The following JARID2 variants were observed in gnomAD, a reference collection of about 807,000 sequenced individuals.
JARID2 encodes the protein jumonji and AT-rich interaction domain containing 2, also known as protein Jumonji.
Under a neutral mutation model 125.6 loss-of-function variants are expected in JARID2, and 21 were observed. The observed-to-expected ratio is 0.17, with a 90% CI of 0.12 to 0.24. The LOEUF (loss-of-function observed/expected upper bound fraction) is 0.24, where lower values mean the gene tolerates loss of function less well. Among genes scored for constraint, JARID2 ranks in the 10% least tolerant of loss-of-function variants. The pLI is 1.00. For missense variants in JARID2, 1,303 were observed against 1,639.6 expected (o/e 0.79, Z 3.55); for synonymous variants, 736 against 661.6 (o/e 1.11, Z -1.73).
intron 7 of JARID2, 49 bp from the exon 8 acceptor site, chr6:15,500,858 C>T (rs778361912): frequency 2.5e-5 from 38 of 1,502,410 alleles, no homozygotes; most frequent in African/African-American, 9.7e-5. Context: ...ACATCTTGTT[C>T]GTGTCTCTTT....
chr6:15,386,066 A>C (rs1022777185), intron 2 of JARID2, among the ~76,000 whole-genome samples: 2 of 152,152 alleles, frequency 1.3e-5, no homozygotes, highest in Non-Finnish European at 2.9e-5. Context: ...TAAAAAAATT[A>C]TGTCTCTTAA....
intron 3 of JARID2, among the ~76,000 whole-genome samples, chr6:15,428,912 A>G (rs1417199618): frequency 6.9e-6 from 1 of 145,834 alleles, no homozygotes; most frequent in African/African-American, 2.6e-5. Flanking sequence ...TCTCAAAAAA[A>G]CAACAAAAAA....
intron 6 of JARID2, among the ~76,000 whole-genome samples, chr6:15,490,993 A>G (rs1770124834): frequency 6.6e-6 from 1 of 152,210 alleles, no homozygotes; most frequent in Non-Finnish European, 1.5e-5. Flanking sequence ...CCATTGAGCT[A>G]TAGGCTACTG....
rs2127527942 is a variant in JARID2 at position 15,381,415 on chromosome 6, C to T, written c.181+7163C>T. Among the ~76,000 whole-genome samples, 4 of 151,566 alleles carry T rather than the reference C, an allele frequency of 2.6e-5. No individual in the cohort carries two copies. The Middle Eastern group carries it at 0.014, about 523-fold the overall frequency. Reference sequence around the variant, plus strand: ...GTGTTGATGTCTGTGTGCTAGTCTCCTCCTCTGCAAGCTGTAGGGAGACCA... The same window carrying T: ...GTGTTGATGTCTGTGTGCTAGTCTCTTCCTCTGCAAGCTGTAGGGAGACCA... On this transcript the variant is annotated intron_variant, in intron 2 of 17. Coordinates refer to ENST00000341776, the MANE Select transcript of JARID2 (RefSeq NM_004973.4).
At chr6:15,518,479 A>G (rs1350157371) in intron 17 of JARID2, among the ~76,000 whole-genome samples, 1 of 152,048 alleles carries the variant, frequency 6.6e-6, no homozygotes, top group Non-Finnish European at 1.5e-5. Flanking sequence ...TCCCCTGTTG[A>G]GCTGTGCATT....
intron 2 of JARID2, among the ~76,000 whole-genome samples, chr6:15,378,198 ATTT>A (rs66993753): frequency 2.1e-5 from 3 of 141,018 alleles, no homozygotes; most frequent in East Asian, 2.1e-4. Context: ...TCAATTTTTA[ATTT>A]TTTTTTTTTT....
Position 15,501,057 on chromosome 6 carries a change from A to C in JARID2, c.2096A>C (p.Glu699Ala), listed in dbSNP as rs1426590590. The change falls in exon 8 of 18, where the codon GAG (glutamate) becomes GCG (alanine). Residue 699 changes from glutamate to alanine, a missense_variant. Physicochemically the swap from Glu to Ala is moderately radical, Grantham distance 107 (BLOSUM62 -1). Around this residue, in one of 11 missense-constraint regions of JARID2, gnomAD observed 64 missense variants for 166.8 expected, o/e 0.38. Coordinates refer to ENST00000341776, the MANE Select transcript of JARID2 (RefSeq NM_004973.4). ...CAGGACCGGCTGGCCAAGCTGCAGGAGGCCTACTGCCAGTACCTACTCTCC... is the reference window on the plus strand; with the variant it reads ...CAGGACCGGCTGGCCAAGCTGCAGGCGGCCTACTGCCAGTACCTACTCTCC... ...TAQDRLAKLQ[E>A]AYCQYLLSYD... is the part of the protein sequence containing the mutation. 2 of 1,614,134 alleles carry C rather than the reference A, an allele frequency of 1.2e-6. No individual in the cohort carries two copies. The highest frequency in any genetic ancestry group is 1.7e-6 in the Non-Finnish European group (2 of 1,179,988).
intron 1 of JARID2, among the ~76,000 whole-genome samples, chr6:15,251,472 C>A (rs983132791): frequency 6.6e-6 from 1 of 152,218 alleles, no homozygotes; most frequent in African/African-American, 2.4e-5. Context: ...GCTCTACTAA[C>A]CACCTTTTGT....
chr6:15,456,967 A>G (rs1333626025), intron 4 of JARID2, among the ~76,000 whole-genome samples: 2 of 150,368 alleles, frequency 1.3e-5, no homozygotes, highest in Non-Finnish European at 3.0e-5. Flanking sequence ...AGTAGGCAAA[A>G]GAATGCATTC....
At chr6:15,423,086 G>A (rs569050355) in intron 3 of JARID2, among the ~76,000 whole-genome samples, 47 of 149,992 alleles carry the variant, frequency 3.1e-4, no homozygotes, top group Middle Eastern at 3.4e-3. Flanking sequence ...TGTAACCTCC[G>A]CGTCCTGGGT....
intron 1 of JARID2, among the ~76,000 whole-genome samples, chr6:15,264,655 TAGAGAGAG>T (rs70996529): frequency 7.7e-6 from 1 of 129,122 alleles, no homozygotes; most frequent in Non-Finnish European, 1.7e-5. Context: ...GAGAGAGAGA[TAGAGAGAG>T]AGAGAGAATA....
chr6:15,365,329 C>A (rs562546562), intron 1 of JARID2, among the ~76,000 whole-genome samples: 4 of 152,144 alleles, frequency 2.6e-5, no homozygotes, highest in Non-Finnish European at 5.9e-5. Context: ...ATTGAAAAAG[C>A]GAACCGTCAG....
At chr6:15,250,922 C>CT (rs34348303) in intron 1 of JARID2, among the ~76,000 whole-genome samples, 202 of 147,884 alleles carry the variant, frequency 1.4e-3, no homozygotes, top group African/African-American at 2.5e-3. Context: ...CAAAATGGAA[C>CT]TTTTTTTTTT....
At chr6:15,247,849 T>C (rs1349512569) in intron 1 of JARID2, 3 of 985,348 alleles carry the variant, frequency 3.0e-6, no homozygotes. Flanking sequence ...TTAAAATACA[T>C]CCGCATTGCA....
intron 2 of JARID2, chr6:15,400,920 T>C (rs1293874163): frequency 2.3e-6 from 3 of 1,289,250 alleles, no homozygotes; most frequent in East Asian, 5.6e-5. Context: ...CTTCTTCCTC[T>C]CTGTCTCTCT....
rs558347617 is a variant in JARID2 at position 15,429,201 on chromosome 6, G to C, written c.323+18836G>C. Among the ~76,000 whole-genome samples, 5 of 152,080 alleles carry C rather than the reference G, an allele frequency of 3.3e-5. No individual in the cohort carries two copies. In the South Asian group the frequency reaches 1.0e-3, roughly 32 times the overall value. ...GTGGAATAACAATTTGCATGTTTTT[G>C]AGTGTGTAAACAAATTCTAAGAGTA... On this transcript the variant is annotated intron_variant, in intron 3 of 17. Transcript: ENST00000341776.
intron 3 of JARID2, among the ~76,000 whole-genome samples, chr6:15,413,023 GT>G (rs1349875486): frequency 5.9e-5 from 4 of 68,006 alleles, no homozygotes; most frequent in Admixed American, 2.0e-4. Context: ...TTTTTTTTTT[GT>G]TTTTTTTTTT....
intron 1 of JARID2, among the ~76,000 whole-genome samples, chr6:15,325,354 T>C (rs1243823360): frequency 2.6e-5 from 4 of 152,144 alleles, no homozygotes; most frequent in East Asian, 1.9e-4. Context: ...ATCCTTTTTT[T>C]CCCCCTATTT....
chr6:15,249,932 A>G (rs1415583223), intron 1 of JARID2, among the ~76,000 whole-genome samples: 3 of 152,176 alleles, frequency 2.0e-5, no homozygotes, highest in Admixed American at 2.0e-4. Context: ...AAACAGTTGC[A>G]TGTTTTGCTC....
Sources: allele counts gnomAD v4.1 joint callset (sites outside exome capture counted in the v4.1 genomes callset), GRCh38; gene constraint gnomAD v4.1.1; regional missense constraint gnomAD v4.1.1; transcripts MANE v1.5; gene names NCBI Gene and HGNC (gene_info 2026-07-23, HGNC 2026-07-21).